Variants in STX6 observed in about 807,000 individuals in gnomAD.
STX6 encodes the protein syntaxin 6, also known as syntaxin-6.
In STX6, 23 loss-of-function variants were observed where a neutral mutation model predicts 38.0. The observed-to-expected ratio is 0.60, with a 90% CI of 0.43 to 0.86. STX6 has a LOEUF of 0.86. Among genes scored for constraint, STX6 ranks in the 40% least tolerant of loss-of-function variants. The pLI is 0.00. For synonymous variants in STX6, 123 were observed against 107.5 expected (o/e 1.14, Z -0.89); for missense variants, 274 against 312.9 (o/e 0.88, Z 0.94).
At chr1:181,017,949 T>G (rs1471346161) in intron 1 of STX6, among the ~76,000 whole-genome samples, 2 of 152,156 alleles carry the variant, frequency 1.3e-5, no homozygotes, top group African/African-American at 4.8e-5. Context: ...CTATGACAAG[T>G]AGGCTTATCA....
At chr1:180,991,866 T>C (rs1655764431) in intron 4 of STX6, among the ~76,000 whole-genome samples, 1 of 151,478 alleles carries the variant, frequency 6.6e-6, no homozygotes, top group Non-Finnish European at 1.5e-5. Context: ...TAAAACAAAA[T>C]TCCAAGCCAT....
intron 1 of STX6, among the ~76,000 whole-genome samples, chr1:181,018,420 G>GAA (rs1656628379): frequency 9.8e-6 from 1 of 101,642 alleles, no homozygotes; most frequent in East Asian, 2.8e-4. Flanking sequence ...AAAAAGAAAA[G>GAA]AAAAAGTGAT....
At chr1:181,021,990 T>A (rs1340802485) in intron 1 of STX6, among the ~76,000 whole-genome samples, 2 of 152,208 alleles carry the variant, frequency 1.3e-5, no homozygotes, top group Admixed American at 6.5e-5. Context: ...TCCTTCCAAA[T>A]CATCACTGAG....
Position 180,990,720 on chromosome 1 carries a change from G to A in STX6, c.364-611C>T, listed in dbSNP as rs796591348. ...TGGGGGTTACTTTACAGGCAGGTAT[G>A]ACCACAAGGAATGCCTGACCCTGGC... On this transcript the variant is annotated intron_variant, in intron 4 of 7. Transcript: ENST00000258301. Among the ~76,000 whole-genome samples, 9 of 152,200 alleles carry A rather than the reference G, an allele frequency of 5.9e-5. No homozygotes were observed. In the East Asian group the frequency reaches 1.5e-3, roughly 26 times the overall value.
chr1:180,989,934 G>A, intron 5 of STX6, 50 bp downstream of exon 5: 1 of 1,607,272 alleles, frequency 6.2e-7, no homozygotes, highest in South Asian at 1.1e-5. Flanking sequence ...GAACTAAGGG[G>A]GTGTCTTGTT....
At chr1:180,991,399 A>G (rs2102310242) in intron 4 of STX6, among the ~76,000 whole-genome samples, 1 of 152,314 alleles carries the variant, frequency 6.6e-6, no homozygotes, top group East Asian at 1.9e-4. Flanking sequence ...CCACACTCTA[A>G]GGACCTCTAT....
intron 7 of STX6, among the ~76,000 whole-genome samples, chr1:180,976,847 T>G (rs1655271972): frequency 2.6e-5 from 4 of 152,236 alleles, no homozygotes; most frequent in Admixed American, 2.6e-4. Flanking sequence ...CAGTCACAAC[T>G]TTGCCAGTCC....
intron 1 of STX6, among the ~76,000 whole-genome samples, chr1:181,012,649 C>T (rs1300449868): frequency 6.7e-6 from 1 of 149,914 alleles, no homozygotes; most frequent in African/African-American, 2.5e-5. Context: ...ATAAAGTCAT[C>T]TGAGCATTCA....
chr1:181,010,499 A>C (rs972360864), intron 1 of STX6, among the ~76,000 whole-genome samples: 3 of 152,126 alleles, frequency 2.0e-5, no homozygotes, highest in Admixed American at 1.3e-4. Context: ...ACAGAGTTTC[A>C]CTATGTTGGC....
rs765401738 is a variant in STX6 at position 181,002,607 on chromosome 1, C to A, written c.299G>T (p.Arg100Met). 1 of 1,607,752 alleles carries A rather than the reference C, an allele frequency of 6.2e-7. No homozygotes were observed. The change falls in exon 3 of 8, where the codon AGG (arginine) becomes ATG (methionine). Residue 100 changes from arginine (R) to methionine (M), a missense_variant and splice_region_variant. Coordinates refer to ENST00000258301, the MANE Select transcript of STX6 (RefSeq NM_005819.6). The stretch of plus-strand genomic sequence containing the variant: ...ACACAATAAGATCATATTCCTTACC[C>A]TGACAACTTGCCGAGTACTTGTAAT... Reference protein sequence around the residue: ...AFITSTRQVVRDMKDQMSTSS... With the variant: ...AFITSTRQVVMDMKDQMSTSS...
At chr1:180,985,816 T>C (rs1655561621) in intron 6 of STX6, among the ~76,000 whole-genome samples, 1 of 152,244 alleles carries the variant, frequency 6.6e-6, no homozygotes, top group Admixed American at 6.5e-5. Flanking sequence ...AAAGGCTGTA[T>C]TAACTCTGAC....
intron 1 of STX6, among the ~76,000 whole-genome samples, chr1:181,009,159 T>G (rs1010375763): frequency 6.6e-6 from 1 of 152,016 alleles, no homozygotes; most frequent in Non-Finnish European, 1.5e-5. Flanking sequence ...CTCTCAAAAC[T>G]TAATAAGAAA....
At chr1:180,995,683 C>A (rs1425117978) in intron 3 of STX6, among the ~76,000 whole-genome samples, 2 of 152,162 alleles carry the variant, frequency 1.3e-5, no homozygotes, top group Non-Finnish European at 2.9e-5. Context: ...TAGCAAAACC[C>A]CATCTCTACA....
In STX6 at chr1:181,015,343, T is replaced by C. The variant is rs114809362; in HGVS notation, c.35+7296A>G. Among the ~76,000 whole-genome samples the C allele has an allele frequency of 9.6e-3, 1,460 of 152,262 alleles. 23 individuals are homozygous for C. Among genetic ancestry groups the C allele is most frequent in the African/African-American group, 0.034 (1,401 of 41,542 alleles). ...CATAATGTATTCAAAACAAACAAAA[T>C]AGAAAAATCTGCTTCCCTTTCTAGC... is the stretch of plus-strand genomic sequence containing the variant. On this transcript the variant is annotated intron_variant, in intron 1 of 7. Transcript: ENST00000258301.
intron 6 of STX6, chr1:180,987,999 G>A (rs879610544): frequency 1.1e-5 from 4 of 370,670 alleles, no homozygotes; most frequent in Non-Finnish European, 2.0e-5. Context: ...AGAGACATCT[G>A]TGTCTGTTTT....
At chr1:180,995,833 T>C (rs1655891515) in intron 3 of STX6, among the ~76,000 whole-genome samples, 1 of 152,240 alleles carries the variant, frequency 6.6e-6, no homozygotes, top group East Asian at 1.9e-4. Flanking sequence ...ATGTACAACA[T>C]ACTTTTGCTG....
chr1:181,007,222 A>T (rs1656250854), intron 1 of STX6, among the ~76,000 whole-genome samples: 1 of 152,186 alleles, frequency 6.6e-6, no homozygotes, highest in Admixed American at 6.5e-5. Context: ...TAACCTACGC[A>T]CATCCTCCTA....
At chr1:180,986,467 C>T (rs112200695) in intron 6 of STX6, among the ~76,000 whole-genome samples, 1 of 152,224 alleles carries the variant, frequency 6.6e-6, no homozygotes, top group Non-Finnish European at 1.5e-5. Flanking sequence ...ACTTACTCAA[C>T]AGCCACATGT....
intron 7 of STX6, among the ~76,000 whole-genome samples, chr1:180,979,629 A>G (rs917101623): frequency 6.6e-6 from 1 of 152,240 alleles, no homozygotes; most frequent in African/African-American, 2.4e-5. Context: ...GACCTTGGGT[A>G]TGGCAATGAC....
Sources: gnomAD v4.1 joint callset for allele counts (sites outside exome capture counted in the v4.1 genomes callset) on GRCh38, gnomAD v4.1.1 for gene constraint, MANE v1.5 for transcripts, NCBI Gene and HGNC (gene_info 2026-07-23, HGNC 2026-07-21) for gene names.